FTCDNL1: variants seen among roughly 807,000 people sequenced by gnomAD.
FTCDNL1 encodes the protein formiminotransferase N-terminal subdomain-containing protein.
A neutral mutation model predicts 5.9 loss-of-function variants in FTCDNL1; 11 were observed. The observed-to-expected ratio is 1.87, with a 90% CI of 1.18 to 3.10. The LOEUF (loss-of-function observed/expected upper bound fraction) is 3.10. FTCDNL1 is among the 30% of genes most tolerant of loss of function. FTCDNL1 has a pLI of 0.00. For missense variants in FTCDNL1, 115 were observed against 65.5 expected (o/e 1.76, Z -2.61); for synonymous variants, 58 against 24.8 (o/e 2.34, Z -3.99).
chr2:199,749,612 T>C, the FTCDNL1 span, among the ~76,000 whole-genome samples: 10 of 152,332 alleles, frequency 6.6e-5, no homozygotes, highest in South Asian at 2.1e-3. Flanking sequence ...GTGTTTACTG[T>C]GTACCAGGCA....
In FTCDNL1 at chr2:199,846,878, C is replaced by A. The variant is rs1010862247; in HGVS notation, c.116-708G>T. Among the ~76,000 whole-genome samples the A allele has an allele frequency of 2.6e-5, 4 of 152,104 alleles. No individual in the cohort carries two copies. In the East Asian group the frequency reaches 7.7e-4, roughly 29 times the overall value. On this transcript the variant is annotated intron_variant, in intron 2 of 4. Coordinates refer to ENST00000420128, the MANE Select transcript of FTCDNL1 (RefSeq NM_001363886.2). ...AGGCTTCTTAAAAGTCCCCCTTAAG[C>A]CTACAAAAGCAAATTCAAAGTGAAG...
the FTCDNL1 span, among the ~76,000 whole-genome samples, chr2:199,681,634 A>G: frequency 1.4e-4 from 21 of 152,174 alleles, no homozygotes; most frequent in African/African-American, 4.6e-4. Context: ...TCCCTGCAGT[A>G]TGTTTCTCCC....
At chr2:199,824,911 G>C (rs546324246) in intron 3 of FTCDNL1, among the ~76,000 whole-genome samples, 45 of 152,262 alleles carry the variant, frequency 3.0e-4, no homozygotes, top group African/African-American at 1.1e-3. Context: ...GCTGAGGCAG[G>C]CAGACTGCCT....
chr2:199,665,942 T>G, the FTCDNL1 span, among the ~76,000 whole-genome samples: 2 of 152,116 alleles, frequency 1.3e-5, no homozygotes, highest in Admixed American at 1.3e-4. Context: ...TTTTTTCTAA[T>G]GTGATGGGAA....
At chr2:199,666,154 T>TA in the FTCDNL1 span, among the ~76,000 whole-genome samples, 7 of 152,260 alleles carry the variant, frequency 4.6e-5, no homozygotes, top group African/African-American at 1.7e-4. Context: ...ATAATGCATG[T>TA]AAAGCACTAA....
chr2:199,774,864 A>G (rs545095889), intron 3 of FTCDNL1, among the ~76,000 whole-genome samples: 1 of 152,292 alleles, frequency 6.6e-6, no homozygotes, highest in African/African-American at 2.4e-5. Flanking sequence ...TTACTGACTC[A>G]AAGTCATTCA....
the FTCDNL1 span, among the ~76,000 whole-genome samples, chr2:199,719,065 A>C: frequency 1.4e-4 from 22 of 151,946 alleles, no homozygotes; most frequent in African/African-American, 4.8e-4. Context: ...CCATTTGTCT[A>C]TTTTTGTTTT....
At chr2:199,672,807 A>T in the FTCDNL1 span, among the ~76,000 whole-genome samples, 1 of 152,122 alleles carries the variant, frequency 6.6e-6, no homozygotes, top group East Asian at 1.9e-4. Context: ...TAAGAGATAG[A>T]GTCAGGCAGA....
the FTCDNL1 span, among the ~76,000 whole-genome samples, chr2:199,704,958 G>T: frequency 3.9e-5 from 6 of 152,254 alleles, no homozygotes; most frequent in East Asian, 1.9e-4. Context: ...GAGGACTGAG[G>T]TTCTGTGGAA....
chr2:199,823,717 C>A (rs1452469305), intron 3 of FTCDNL1, among the ~76,000 whole-genome samples: 1 of 152,170 alleles, frequency 6.6e-6, no homozygotes, highest in Non-Finnish European at 1.5e-5. Flanking sequence ...GTCATCCAGG[C>A]TTTGTTGTTG....
At chr2:199,684,322 G>C in the FTCDNL1 span, among the ~76,000 whole-genome samples, 10 of 152,104 alleles carry the variant, frequency 6.6e-5, no homozygotes, top group Non-Finnish European at 1.2e-4. Flanking sequence ...GATGGAGCTG[G>C]GAGTGGAATT....
intron 3 of FTCDNL1, among the ~76,000 whole-genome samples, chr2:199,787,828 T>A (rs866767144): frequency 2.0e-5 from 3 of 152,158 alleles, no homozygotes; most frequent in Non-Finnish European, 4.4e-5. Flanking sequence ...TCACAGATAG[T>A]CAATTTTAAT....
At chr2:199,714,343 A>G in the FTCDNL1 span, among the ~76,000 whole-genome samples, 1 of 152,144 alleles carries the variant, frequency 6.6e-6, no homozygotes, top group African/African-American at 2.4e-5. Flanking sequence ...AAAAAAAATT[A>G]TGTCCAAAAT....
the FTCDNL1 span, among the ~76,000 whole-genome samples, chr2:199,745,879 T>C: frequency 6.6e-6 from 1 of 152,216 alleles, no homozygotes; most frequent in Non-Finnish European, 1.5e-5. Context: ...ATTTTATTTT[T>C]GACTATAGCA....
At chr2:199,814,468 A>AT (rs1421674483) in intron 4 of FTCDNL1, among the ~76,000 whole-genome samples, 2 of 152,238 alleles carry the variant, frequency 1.3e-5, no homozygotes, top group African/African-American at 2.4e-5. Context: ...TGTGAACCTC[A>AT]TTCTATTGCC....
At chr2:199,803,086 C>T (rs960144410) in intron 3 of FTCDNL1, among the ~76,000 whole-genome samples, 3 of 145,560 alleles carry the variant, frequency 2.1e-5, no homozygotes, top group Non-Finnish European at 3.0e-5. Context: ...CCCAGCTACT[C>T]GGGAGGCTGA....
the FTCDNL1 span, among the ~76,000 whole-genome samples, chr2:199,710,330 A>G: frequency 6.6e-6 from 1 of 152,156 alleles, no homozygotes; most frequent in African/African-American, 2.4e-5. Context: ...AGTTTTTTTC[A>G]GGTGTGAGTT....
At chr2:199,789,078 G>A (rs1235293056) in intron 3 of FTCDNL1, among the ~76,000 whole-genome samples, 1 of 149,722 alleles carries the variant, frequency 6.7e-6, no homozygotes. Flanking sequence ...AATTGTTATA[G>A]TTGTAAACTT....
At chr2:199,705,125 T>C in the FTCDNL1 span, among the ~76,000 whole-genome samples, 2 of 151,954 alleles carry the variant, frequency 1.3e-5, no homozygotes, top group Non-Finnish European at 2.9e-5. Flanking sequence ...CTAGGAAAGG[T>C]GGTGAAAATA....
Sources: gnomAD v4.1 joint callset for allele counts (sites outside exome capture counted in the v4.1 genomes callset) on GRCh38, gnomAD v4.1.1 for gene constraint, MANE v1.5 for transcripts, NCBI Gene and HGNC (gene_info 2026-07-23, HGNC 2026-07-21) for gene names.